The following CREM variants were observed in gnomAD, a reference collection of about 807,000 sequenced individuals.
The protein encoded by CREM is cAMP-responsive element modulator.
Under a neutral mutation model 37.3 loss-of-function variants are expected in CREM, and 13 were observed. The observed-to-expected ratio is 0.35, with a 90% CI of 0.23 to 0.55. The LOEUF is 0.55. CREM is among the 20% of genes least tolerant of loss of function. The probability of loss-of-function intolerance (pLI) is 0.88; values close to 1 mark genes in which losing one functional copy is unlikely to be tolerated. For missense variants in CREM, 296 were observed against 362.3 expected (o/e 0.82, Z 1.49); for synonymous variants, 124 against 120.2 (o/e 1.03, Z -0.21).
chr10:35,175,261 T>C (rs58692916), intron 3 of CREM, among the ~76,000 whole-genome samples: 1 of 152,002 alleles, frequency 6.6e-6, no homozygotes, highest in Non-Finnish European at 1.5e-5. Flanking sequence ...TCCTGGCTAA[T>C]GGGTGAAACC....
intron 3 of CREM, among the ~76,000 whole-genome samples, chr10:35,155,193 G>A (rs998148358): frequency 2.0e-5 from 3 of 152,116 alleles, no homozygotes; most frequent in African/African-American, 7.2e-5. Context: ...AATTTGTAAT[G>A]ATTATGAGGT....
intron 5 of CREM, among the ~76,000 whole-genome samples, chr10:35,183,107 T>C (rs2094421844): frequency 6.6e-6 from 1 of 152,168 alleles, no homozygotes; most frequent in South Asian, 2.1e-4. Context: ...TTAAAGACTA[T>C]CACCCAAGAC....
At chr10:35,176,008 C>G in intron 3 of CREM, 7 of 1,545,742 alleles carry the variant, frequency 4.5e-6, no homozygotes, top group Non-Finnish European at 6.1e-6. Context: ...AGGTTAGCTT[C>G]CTTCCTGAAT....
chr10:35,212,303 T>TAAA lies in CREM; in HGVS notation c.*914_*916dup, dbSNP rs11289474. 3 of 148,854 alleles carry TAAA rather than the reference T, an allele frequency of 2.0e-5. No homozygotes were observed. The highest frequency in any genetic ancestry group is 7.4e-5 in the African/African-American group (3 of 40,644). 9.2% of individuals were successfully genotyped at this position (148,854 alleles called of 1,614,324 possible). On this transcript the variant is annotated 3_prime_UTR_variant, in exon 8 of 8. Coordinates refer to ENST00000685392, the MANE Select transcript of CREM (RefSeq NM_183011.2). ...CAGATTTTTATATTAGTTGCTTTGT[T>TAAA]AAAAAAAAAAAGATTGTATTGCTGT...
intron 3 of CREM, chr10:35,154,329 A>G (rs1194221126): frequency 2.8e-6 from 1 of 362,668 alleles, no homozygotes; most frequent in African/African-American, 2.1e-5. Flanking sequence ...GAAGACCTCA[A>G]GCAACATTTT....
chr10:35,201,331 G>A (rs1450343747), intron 6 of CREM: 7 of 1,026,780 alleles, frequency 6.8e-6, no homozygotes, highest in South Asian at 1.5e-5. Flanking sequence ...GAGGGGAAGA[G>A]GAAGGGAACT....
intron 7 of CREM, 109 bp from the exon 8 acceptor site, chr10:35,211,145 T>G: frequency 1.7e-6 from 2 of 1,204,574 alleles, no homozygotes; most frequent in Non-Finnish European, 2.3e-6. Flanking sequence ...TGTACAGTCC[T>G]TACCTAGGAT....
intron 3 of CREM, among the ~76,000 whole-genome samples, chr10:35,160,531 T>C (rs1303248039): frequency 6.6e-6 from 1 of 152,212 alleles, no homozygotes; most frequent in Non-Finnish European, 1.5e-5. Flanking sequence ...CTCGAGTAAC[T>C]GGGACTACAG....
chr10:35,180,823 G>T (rs1248856125), intron 5 of CREM, among the ~76,000 whole-genome samples: 4 of 152,210 alleles, frequency 2.6e-5, no homozygotes. Context: ...GTCCCCAGAG[G>T]GGCTGGGCAG....
At chr10:35,134,088 C>T (rs1315670942) in intron 1 of CREM, among the ~76,000 whole-genome samples, 1 of 150,988 alleles carries the variant, frequency 6.6e-6, no homozygotes, top group Non-Finnish European at 1.5e-5. Context: ...GCTCTGTTGC[C>T]CTGGCTGGAG....
At chr10:35,128,211 C>T (rs191769847) in intron 1 of CREM, among the ~76,000 whole-genome samples, 4 of 152,288 alleles carry the variant, frequency 2.6e-5, no homozygotes, top group African/African-American at 9.6e-5. Context: ...TTAGGGGTTT[C>T]CTGCATGCTG....
intron 2 of CREM, among the ~76,000 whole-genome samples, chr10:35,147,697 C>T (rs951481945): frequency 6.6e-6 from 1 of 152,148 alleles, no homozygotes; most frequent in African/African-American, 2.4e-5. Flanking sequence ...AATATTTATA[C>T]TTTTCATGTA....
At chr10:35,170,188 A>G (rs958458125) in intron 3 of CREM, among the ~76,000 whole-genome samples, 2 of 151,986 alleles carry the variant, frequency 1.3e-5, no homozygotes, top group African/African-American at 2.4e-5. Flanking sequence ...GATGGTCTCT[A>G]TCTCCTGAAC....
intron 3 of CREM, among the ~76,000 whole-genome samples, chr10:35,152,816 T>TA (rs2092678340): frequency 6.6e-6 from 1 of 152,176 alleles, no homozygotes; most frequent in South Asian, 2.1e-4. Flanking sequence ...TAGTGACACT[T>TA]ACATCCTCCG....
At chr10:35,146,147 G>C (rs1452394634) in intron 2 of CREM, among the ~76,000 whole-genome samples, 4 of 152,214 alleles carry the variant, frequency 2.6e-5, no homozygotes, top group Non-Finnish European at 5.9e-5. Flanking sequence ...AGTTTACTGG[G>C]GAAGGCCTTT....
At chr10:35,161,186 G>C (rs2093272123) in intron 3 of CREM, among the ~76,000 whole-genome samples, 2 of 151,872 alleles carry the variant, frequency 1.3e-5, no homozygotes, top group Admixed American at 6.6e-5. Flanking sequence ...GCCCATGCTG[G>C]TGTGTGGTGA....
chr10:35,202,323 T>C (rs1023344809), intron 6 of CREM, among the ~76,000 whole-genome samples: 47 of 152,350 alleles, frequency 3.1e-4, no homozygotes, highest in African/African-American at 1.1e-3. Flanking sequence ...GTTCATAATA[T>C]TGGAAATTTG....
At position 35,157,822 on chromosome 10, in the gene CREM, G is replaced by A. The variant is rs919313221; in HGVS notation, c.168+9331G>A. ...TACATATGAAAACCTTTAAAAAAAG[G>A]AACAAAAATTAGAAAACCTTAAAGA... On this transcript the variant is annotated intron_variant, in intron 3 of 7. Transcript: ENST00000685392. 5.9e-5 allele frequency among the ~76,000 whole-genome samples: 9 copies of A among 151,906 alleles called. No homozygotes were observed. The East Asian group carries it at 1.7e-3, about 29-fold the overall frequency.
At chr10:35,177,438 A>G (rs2094143513) in intron 3 of CREM, among the ~76,000 whole-genome samples, 1 of 152,160 alleles carries the variant, frequency 6.6e-6, no homozygotes, top group African/African-American at 2.4e-5. Flanking sequence ...CCTGGCTGGT[A>G]TTGGAAGAAA....
Sources: gnomAD v4.1 joint callset for allele counts (sites outside exome capture counted in the v4.1 genomes callset) on GRCh38, gnomAD v4.1.1 for gene constraint, MANE v1.5 for transcripts, NCBI Gene and HGNC (gene_info 2026-07-23, HGNC 2026-07-21) for gene names.